The following CSNK2A1 variants were observed in gnomAD, a reference collection of about 807,000 sequenced individuals.
The protein encoded by CSNK2A1 is casein kinase 2 alpha 1.
A neutral mutation model predicts 62.9 loss-of-function variants in CSNK2A1; 10 were observed. The ratio of observed to expected loss-of-function variants is 0.16; its 90% CI spans 0.10 to 0.27. CSNK2A1 has a LOEUF of 0.27. Ranked by LOEUF, CSNK2A1 falls within the 10% of genes least tolerant of loss-of-function variation. The probability of loss-of-function intolerance (pLI) is 1.00; values close to 1 mark genes in which losing one functional copy is unlikely to be tolerated. For missense variants in CSNK2A1, 160 were observed against 492.0 expected (o/e 0.33, Z 6.38); for synonymous variants, 124 against 167.8 (o/e 0.74, Z 2.02).
At position 478,603 on chromosome 20, in the gene CSNK2A1, T is replaced by C. The variant is rs986197600; in HGVS notation, c.*5358A>G. The C allele has an allele frequency of 4.9e-6, 2 of 408,526 alleles. No homozygotes were observed. Among genetic ancestry groups the C allele is most frequent in the Admixed American group, 6.0e-5 (2 of 33,574 alleles). The allele number at this position is 408,526 out of a possible 1,614,324, so 25.3% of individuals were successfully genotyped here. A position where few individuals can be genotyped will look rare whatever the true frequency, so the allele number is the denominator to read the frequency against. ...CTGTAAGCTTCCATCTGGAGGTACC[T>C]GGGGAAGGGCTTCTCACATTGAGGC... On this transcript the variant is annotated 3_prime_UTR_variant, in exon 14 of 14. Coordinates refer to ENST00000217244, the MANE Select transcript of CSNK2A1 (RefSeq NM_177559.3).
At chr20:502,493 C>G (rs1438156134) in intron 4 of CSNK2A1, 1 of 152,204 alleles carries the variant, frequency 6.6e-6, no homozygotes, top group Non-Finnish European at 1.5e-5. Context: ...GCAGCTGACT[C>G]AGGCCCGAAT....
chr20:526,061 A>G (rs572807499), intron 2 of CSNK2A1, among the ~76,000 whole-genome samples: 1 of 152,256 alleles, frequency 6.6e-6, no homozygotes, highest in Non-Finnish European at 1.5e-5. Flanking sequence ...TTAAGAACTT[A>G]CACATATCTC....
chr20:531,437 T>C (rs1182082601), intron 1 of CSNK2A1, among the ~76,000 whole-genome samples: 2 of 152,166 alleles, frequency 1.3e-5, no homozygotes, highest in Non-Finnish European at 2.9e-5. Flanking sequence ...ACTAAATATA[T>C]AAATTTACAA....
At chr20:517,166 C>T (rs1257290262) in intron 2 of CSNK2A1, among the ~76,000 whole-genome samples, 1 of 152,182 alleles carries the variant, frequency 6.6e-6, no homozygotes, top group Admixed American at 6.5e-5. Context: ...GCTACAGAAG[C>T]AAAGAGAAAA....
intron 1 of CSNK2A1, among the ~76,000 whole-genome samples, chr20:537,368 A>C (rs113898140): frequency 1.1e-4 from 17 of 152,340 alleles, no homozygotes; most frequent in African/African-American, 4.1e-4. Flanking sequence ...AGGGTTTTTT[A>C]ATGTCTAAGA....
At chr20:495,450 C>T in intron 8 of CSNK2A1, 2 of 374,606 alleles carry the variant, frequency 5.3e-6, no homozygotes, top group East Asian at 5.3e-5. Context: ...AAACCAGTTA[C>T]TCAATAAATA....
chr20:490,704 CTT>C (rs11476971), intron 9 of CSNK2A1, among the ~76,000 whole-genome samples: 70 of 134,238 alleles, frequency 5.2e-4, no homozygotes, highest in Non-Finnish European at 5.7e-4. Flanking sequence ...GTGCCTGGCT[CTT>C]TTTTTTTTTT....
rs1240512857 is a variant in CSNK2A1 at position 480,864 on chromosome 20, C to G, written c.*3097G>C. On this transcript the variant is annotated 3_prime_UTR_variant, in exon 14 of 14. Transcript: ENST00000217244. ...AAAAACTAAGAAGAAATTAAAATTC[C>G]CAAATCTGTCAACCAATCTCTAATT... 2.0e-5 allele frequency: 3 copies of G among 152,094 alleles called. No individual in the cohort carries two copies. Among genetic ancestry groups the G allele is most frequent in the Non-Finnish European group, 4.4e-5 (3 of 68,020 alleles). 9.4% of individuals were successfully genotyped at this position (152,094 alleles called of 1,614,324 possible).
At chr20:520,011 A>T (rs1265500152) in intron 2 of CSNK2A1, among the ~76,000 whole-genome samples, 8 of 152,206 alleles carry the variant, frequency 5.3e-5, no homozygotes, top group African/African-American at 1.9e-4. Context: ...CACAAGATGT[A>T]TGACAACTAA....
At chr20:502,844 C>T (rs1171426175) in intron 4 of CSNK2A1, 3 of 151,934 alleles carry the variant, frequency 2.0e-5, no homozygotes, top group African/African-American at 7.3e-5. Context: ...AAATATTTCT[C>T]TCACTTTTCC....
intron 1 of CSNK2A1, among the ~76,000 whole-genome samples, chr20:530,695 G>C (rs1032936852): frequency 6.6e-6 from 1 of 151,984 alleles, no homozygotes; most frequent in African/African-American, 2.4e-5. Flanking sequence ...GGCTGGTCTC[G>C]AACTCCTGGA....
intron 4 of CSNK2A1, chr20:504,504 A>T (rs2018535877): frequency 6.6e-6 from 1 of 152,246 alleles, no homozygotes; most frequent in East Asian, 1.9e-4. Context: ...TTGAGCCAAC[A>T]CTTAAAAGTC....
At chr20:523,862 A>AAAAAAAAAAAAAAAAAAAACAAAAAAAC (rs1568552995) in intron 2 of CSNK2A1, among the ~76,000 whole-genome samples, 2 of 141,260 alleles carry the variant, frequency 1.4e-5, no homozygotes, top group African/African-American at 5.2e-5. Context: ...CCATCTCAAA[A>AAAAAAAAAAAAAAAAAAAACAAAAAAAC]AAAAAAAAAA....
intron 7 of CSNK2A1, chr20:496,012 G>C (rs1369116352): frequency 1.6e-5 from 8 of 509,674 alleles, no homozygotes; most frequent in Non-Finnish European, 2.8e-5. Context: ...ATCTTTTTCT[G>C]ACACAGTTGT....
In CSNK2A1 at chr20:499,914, A is replaced by G; in HGVS notation, c.234T>C (p.Ile78=). 1 of 1,613,230 alleles carries G rather than the reference A, an allele frequency of 6.2e-7. No homozygotes were observed. Among genetic ancestry groups the G allele is most frequent in the Non-Finnish European group, 8.5e-7 (1 of 1,179,854 alleles). ...TCTCCAAAATCTTTATTTCACGCTT[A>G]ATTTTCTTCTTTTTTACTGGCTGAA... The part of the protein sequence containing the change: ...KILKPVKKKK[I]KREIKILENL... The change falls in exon 5 of 14, where the codon ATT becomes ATC. Residue 78 remains isoleucine, a synonymous_variant. Transcript: ENST00000217244. This position sits in a 1 kb window ranked among gnomAD's most constrained non-coding sequence, Gnocchi z 4.2.
At chr20:494,258 GA>G (rs1195747647) in intron 8 of CSNK2A1, 1 of 152,160 alleles carries the variant, frequency 6.6e-6, no homozygotes, top group African/African-American at 2.4e-5. Context: ...TTGAACTCCT[GA>G]ACTCGTCATC....
chr20:540,497 G>C (rs2019427533), intron 1 of CSNK2A1, among the ~76,000 whole-genome samples: 1 of 152,102 alleles, frequency 6.6e-6, no homozygotes, highest in African/African-American at 2.4e-5. Flanking sequence ...GCCCTCACTA[G>C]CAGAGTCATT....
intron 2 of CSNK2A1, among the ~76,000 whole-genome samples, chr20:512,207 T>C (rs775300355): frequency 4.5e-4 from 68 of 150,732 alleles, no homozygotes; most frequent in Non-Finnish European, 8.1e-4. Context: ...TTCTTCTTCT[T>C]CTTTTTTTTT....
intron 2 of CSNK2A1, among the ~76,000 whole-genome samples, chr20:527,303 A>G (rs1022608874): frequency 3.9e-5 from 6 of 152,232 alleles, no homozygotes; most frequent in African/African-American, 1.4e-4. Flanking sequence ...CAAAAAATGA[A>G]AACCATAAAT....
Sources: allele counts gnomAD v4.1 joint callset (sites outside exome capture counted in the v4.1 genomes callset), GRCh38; gene constraint gnomAD v4.1.1; non-coding constraint Gnocchi (gnomAD v3.1); transcripts MANE v1.5; gene names NCBI Gene and HGNC (gene_info 2026-07-23, HGNC 2026-07-21).